Variants in TMPRSS11E observed in about 807,000 individuals in gnomAD.
TMPRSS11E encodes the protein transmembrane serine protease 11E.
TMPRSS11E carries 38 observed loss-of-function variants against 48.1 expected under a neutral mutation model. The observed-to-expected ratio is 0.79, with a 90% CI of 0.61 to 1.04. The LOEUF is 1.04. Among genes scored for constraint, TMPRSS11E ranks in the 50% least tolerant of loss-of-function variants. The probability of loss-of-function intolerance (pLI) is 0.00; values close to 1 mark genes in which losing one functional copy is unlikely to be tolerated. For synonymous variants in TMPRSS11E, 158 were observed against 171.9 expected (o/e 0.92, Z 0.63); for missense variants, 530 against 510.8 (o/e 1.04, Z -0.36).
rs750968008 is a variant in TMPRSS11E, at chr4:68,471,628, G to A, written c.490+5G>A. 2 of 1,560,022 alleles carry A rather than the reference G, an allele frequency of 1.3e-6. No individual in the cohort carries two copies. Among genetic ancestry groups the A allele is most frequent in the South Asian group, 1.2e-5 (1 of 81,810 alleles). ...CTCACTCAGTTAAAATTAAAAGTAA[G>A]TTAATTTCTCTTATTTTTCTTTCAT... On this transcript the variant is annotated splice_donor_5th_base_variant and intron_variant, in intron 5 of 9. Transcript: ENST00000305363.
chr4:68,449,600 A>C (rs1486934083), intron 1 of TMPRSS11E, among the ~76,000 whole-genome samples: 1 of 151,828 alleles, frequency 6.6e-6, no homozygotes, highest in Non-Finnish European at 1.5e-5. Context: ...AGGAATCTCC[A>C]GCTCTCATCC....
chr4:68,495,326 CCTGTCTCTTATG>C (rs1729836452), intron 9 of TMPRSS11E, among the ~76,000 whole-genome samples: 2 of 151,892 alleles, frequency 1.3e-5, no homozygotes, highest in Non-Finnish European at 2.9e-5. Context: ...CTCATTTATT[CCTGTCTCTTATG>C]CTGATTAAAG....
chr4:68,476,118 C>T (rs2109696241), intron 6 of TMPRSS11E, 143 bp from the exon 7 acceptor site: 1 of 1,096,412 alleles, frequency 9.1e-7, no homozygotes, highest in East Asian at 2.4e-5. Context: ...CTACAGTTTA[C>T]AGAAAGGTAA....
At chr4:68,471,409 T>C (rs1729062765) in intron 4 of TMPRSS11E, 51 bp from the exon 5 acceptor site, 2 of 576,888 alleles carry the variant, frequency 3.5e-6, no homozygotes, top group East Asian at 2.0e-4. Flanking sequence ...TTCCTGCCTT[T>C]CTTTCTTCTT....
At chr4:68,468,621 T>C (rs1409978189) in intron 3 of TMPRSS11E, among the ~76,000 whole-genome samples, 1 of 152,114 alleles carries the variant, frequency 6.6e-6, no homozygotes, top group Non-Finnish European at 1.5e-5. Context: ...CTTTGGTCTC[T>C]TTCTGAGCAT....
intron 9 of TMPRSS11E, among the ~76,000 whole-genome samples, chr4:68,490,264 T>C (rs895373232): frequency 6.6e-6 from 1 of 152,202 alleles, no homozygotes; most frequent in African/African-American, 2.4e-5. Context: ...GTCTTCTTGA[T>C]GGTCTGGTCC....
Position 68,471,336 on chromosome 4 carries a change from C to T in TMPRSS11E, c.327-124C>T, listed in dbSNP as rs1729059745. 3 of 614,814 alleles carry T rather than the reference C, an allele frequency of 4.9e-6. No individual in the cohort carries two copies. In the Admixed American group the frequency reaches 1.0e-4, roughly 21 times the overall value. 38.1% of individuals were successfully genotyped at this position (614,814 alleles called of 1,614,324 possible). A position where few individuals can be genotyped will look rare whatever the true frequency, so the allele number is the denominator to read the frequency against. ...TTCCCTTCTCCTTCCTTCCTTTTCT[C>T]TTTTCTTTCTTTCCTCCCTCCCTCC... On this transcript the variant is annotated intron_variant, in intron 4 of 9. Transcript: ENST00000305363.
intron 1 of TMPRSS11E, among the ~76,000 whole-genome samples, chr4:68,459,626 A>C (rs990562066): frequency 6.6e-6 from 1 of 152,210 alleles, no homozygotes; most frequent in Non-Finnish European, 1.5e-5. Flanking sequence ...AACCTACTTC[A>C]TCAATAGAAT....
At chr4:68,485,980 T>C (rs1729541499) in intron 9 of TMPRSS11E, among the ~76,000 whole-genome samples, 1 of 152,162 alleles carries the variant, frequency 6.6e-6, no homozygotes, top group African/African-American at 2.4e-5. Context: ...TAAAAAATAT[T>C]TCTCTTCCCT....
intron 1 of TMPRSS11E, among the ~76,000 whole-genome samples, chr4:68,448,305 T>C (rs1728396303): frequency 6.6e-6 from 1 of 151,982 alleles, no homozygotes; most frequent in Admixed American, 6.6e-5. Context: ...TCATTTAACA[T>C]GGAAAAACAG....
At chr4:68,468,450 A>T (rs925117447) in intron 3 of TMPRSS11E, among the ~76,000 whole-genome samples, 1 of 152,110 alleles carries the variant, frequency 6.6e-6, no homozygotes, top group Non-Finnish European at 1.5e-5. Flanking sequence ...CAACTTTGTC[A>T]CTAGGTTTGG....
chr4:68,457,430 C>T (rs1436404315), intron 1 of TMPRSS11E, among the ~76,000 whole-genome samples: 5 of 152,080 alleles, frequency 3.3e-5, no homozygotes. Context: ...GAAATAGGGA[C>T]ATTTTTACAC....
intron 8 of TMPRSS11E, 105 bp from the exon 9 acceptor site, chr4:68,478,744 C>A: frequency 1.6e-6 from 2 of 1,256,030 alleles, no homozygotes; most frequent in Non-Finnish European, 2.2e-6. Flanking sequence ...CGTTAGTCAC[C>A]GTGCCTGGCC....
chr4:68,493,902 A>G (rs62317895), intron 9 of TMPRSS11E, among the ~76,000 whole-genome samples: 76,700 of 151,960 alleles, frequency 0.5, 21,662 homozygotes, highest in Non-Finnish European at 0.65. Context: ...TTTTTCCTTG[A>G]ATCTCCTACT....
chr4:68,467,681 A>G (rs1728962448), intron 3 of TMPRSS11E, among the ~76,000 whole-genome samples: 1 of 152,178 alleles, frequency 6.6e-6, no homozygotes, highest in Admixed American at 6.6e-5. Flanking sequence ...GACCCTGGAA[A>G]CCGCCCAGTA....
intron 1 of TMPRSS11E, among the ~76,000 whole-genome samples, chr4:68,460,883 CTT>C (rs34208799): frequency 1.1e-4 from 15 of 142,338 alleles, no homozygotes; most frequent in African/African-American, 7.7e-5. Flanking sequence ...TTTCCTGTAG[CTT>C]TTTTTTTTTT....
At chr4:68,471,219 CTTTCTTTTCTTT>C (rs1159331675) in intron 4 of TMPRSS11E, among the ~76,000 whole-genome samples, 1 of 151,626 alleles carries the variant, frequency 6.6e-6, no homozygotes, top group Admixed American at 6.6e-5. Flanking sequence ...TATTACCCTT[CTTTCTTTTCTTT>C]TCTCTTTTCT....
intron 6 of TMPRSS11E, among the ~76,000 whole-genome samples, chr4:68,475,533 T>C (rs964097231): frequency 3.3e-5 from 5 of 152,220 alleles, no homozygotes; most frequent in African/African-American, 1.2e-4. Flanking sequence ...CAATATTTAT[T>C]GGGAACCTAC....
At chr4:68,475,805 T>C (rs1729196311) in intron 6 of TMPRSS11E, among the ~76,000 whole-genome samples, 1 of 152,178 alleles carries the variant, frequency 6.6e-6, no homozygotes, top group Non-Finnish European at 1.5e-5. Flanking sequence ...GATCTTATGA[T>C]GCACAGGGCA....
Sources: gnomAD v4.1 joint callset for allele counts (sites outside exome capture counted in the v4.1 genomes callset) on GRCh38, gnomAD v4.1.1 for gene constraint, MANE v1.5 for transcripts, NCBI Gene and HGNC (gene_info 2026-07-23, HGNC 2026-07-21) for gene names.